Variants in NPFFR2 observed in about 807,000 individuals in gnomAD.
NPFFR2 encodes neuropeptide FF receptor 2.
In NPFFR2, 15 loss-of-function variants were observed where a neutral mutation model predicts 13.1. The observed-to-expected ratio is 1.15, with a 90% CI of 0.77 to 1.76. The LOEUF is 1.76. Ranked by LOEUF, NPFFR2 falls within the 40% of genes most tolerant of loss-of-function variation. The pLI, the probability that NPFFR2 is intolerant of heterozygous loss-of-function variation, is 0.00. For synonymous variants in NPFFR2, 190 were observed against 175.7 expected (o/e 1.08, Z -0.65); for missense variants, 572 against 503.5 (o/e 1.14, Z -1.30).
At chr4:72,048,648 T>A (rs1719450095) in intron 1 of NPFFR2, among the ~76,000 whole-genome samples, 1 of 152,108 alleles carries the variant, frequency 6.6e-6, no homozygotes, top group Non-Finnish European at 1.5e-5. Flanking sequence ...AAAATTATAT[T>A]TTAAATGAAG....
chr4:72,120,314 G>C (rs574357658), intron 1 of NPFFR2, among the ~76,000 whole-genome samples: 5 of 150,268 alleles, frequency 3.3e-5, no homozygotes, highest in African/African-American at 4.8e-5. Flanking sequence ...GGGGAAGAGC[G>C]GCTGTGGGTG....
chr4:72,137,261 A>G (rs553876843), intron 2 of NPFFR2, among the ~76,000 whole-genome samples: 8 of 152,322 alleles, frequency 5.3e-5, no homozygotes, highest in African/African-American at 1.9e-4. Context: ...AATAAATTTC[A>G]AAACTCTGAG....
intron 1 of NPFFR2, among the ~76,000 whole-genome samples, chr4:72,102,052 T>G (rs1721265709): frequency 6.6e-6 from 1 of 152,100 alleles, no homozygotes; most frequent in African/African-American, 2.4e-5. Flanking sequence ...GTGATTTTTG[T>G]TTTTGAAAAC....
chr4:72,055,514 G>C (rs563109338), intron 1 of NPFFR2, among the ~76,000 whole-genome samples: 1 of 151,822 alleles, frequency 6.6e-6, no homozygotes, highest in African/African-American at 2.4e-5. Context: ...GAGACAAAAC[G>C]ATATCAAAAT....
rs185449715 is a variant in NPFFR2, at chr4:72,085,755, C to T, written c.-7-42830C>T. On this transcript the variant is annotated intron_variant, in intron 1 of 3. Transcript: ENST00000308744. ...CCTCTGAACCCTCCTACACTGACTA[C>T]ATTTCCATCCCACTCTTCAGCACAT... is the stretch of plus-strand genomic sequence containing the variant. Among the ~76,000 whole-genome samples the T allele has an allele frequency of 1.6e-4, 25 of 152,260 alleles. No individual in the cohort carries two copies. The East Asian group carries it at 4.2e-3, about 26-fold the overall frequency.
chr4:72,130,046 A>C (rs1722185930), intron 2 of NPFFR2, among the ~76,000 whole-genome samples: 1 of 145,602 alleles, frequency 6.9e-6, no homozygotes, highest in Non-Finnish European at 1.5e-5. Context: ...TGTTTCAGAG[A>C]GCACGGGGTT....
chr4:72,075,288 C>T (rs1720393052), intron 1 of NPFFR2, among the ~76,000 whole-genome samples: 1 of 152,138 alleles, frequency 6.6e-6, no homozygotes, highest in African/African-American at 2.4e-5. Context: ...AACTGGCTCT[C>T]CTTGCTGTTC....
At chr4:72,035,575 T>C (rs1719021875) in intron 1 of NPFFR2, among the ~76,000 whole-genome samples, 1 of 152,210 alleles carries the variant, frequency 6.6e-6, no homozygotes, top group South Asian at 2.1e-4. Context: ...ACAAGACATG[T>C]CCTGTTCTGG....
intron 2 of NPFFR2, among the ~76,000 whole-genome samples, chr4:72,130,286 A>G (rs1722196230): frequency 6.6e-6 from 1 of 151,710 alleles, no homozygotes; most frequent in Non-Finnish European, 1.5e-5. Flanking sequence ...AGGTCCAAAG[A>G]ACTGACACAT....
intron 1 of NPFFR2, among the ~76,000 whole-genome samples, chr4:72,119,075 T>A (rs2109825875): frequency 1.3e-5 from 2 of 152,110 alleles, no homozygotes; most frequent in South Asian, 4.1e-4. Flanking sequence ...GTAGAAAAAA[T>A]ATATGCTGGT....
At chr4:72,119,629 T>C (rs1578467626) in intron 1 of NPFFR2, among the ~76,000 whole-genome samples, 1 of 151,764 alleles carries the variant, frequency 6.6e-6, no homozygotes, top group South Asian at 2.1e-4. Context: ...CCACGGAGGG[T>C]GAGCTGAAGC....
chr4:72,048,051 T>C (rs1719426563), intron 1 of NPFFR2, among the ~76,000 whole-genome samples: 1 of 152,158 alleles, frequency 6.6e-6, no homozygotes, highest in African/African-American at 2.4e-5. Flanking sequence ...ATATTATGTG[T>C]GTATGTATTA....
At chr4:72,050,675 C>T (rs1001301898) in intron 1 of NPFFR2, among the ~76,000 whole-genome samples, 1 of 151,876 alleles carries the variant, frequency 6.6e-6, no homozygotes, top group East Asian at 1.9e-4. Flanking sequence ...AGGTTAGTTA[C>T]ACATGTATAC....
At chr4:72,121,814 C>T (rs570165097) in intron 1 of NPFFR2, among the ~76,000 whole-genome samples, 30 of 152,222 alleles carry the variant, frequency 2.0e-4, no homozygotes, top group African/African-American at 6.5e-4. Flanking sequence ...ATTGTAAAGA[C>T]CATCAACGCT....
chr4:72,065,626 A>G (rs1437553102), intron 1 of NPFFR2, among the ~76,000 whole-genome samples: 1 of 152,212 alleles, frequency 6.6e-6, no homozygotes, highest in Non-Finnish European at 1.5e-5. Context: ...TCTTTCAGCC[A>G]AAGTGGTTTA....
rs148058374 is a variant in NPFFR2, at chr4:72,147,649, C to T, written c.1100C>T (p.Ala367Val). The T allele has an allele frequency of 1.0e-4, 161 of 1,614,108 alleles. 1 individual carries two copies. The African/African-American group carries it at 2.0e-3, about 20-fold the overall frequency. Reference sequence around the variant, plus strand: ...CCTATGGAAGCTTATGCCCTAAAAGCTAAAAGCCATGTGCTCATAAACACA... The same window carrying T: ...CCTATGGAAGCTTATGCCCTAAAAGTTAAAAGCCATGTGCTCATAAACACA... ...AKPMEAYALKAKSHVLINTSN... is the reference protein window; with the variant it reads ...AKPMEAYALKVKSHVLINTSN... The change falls in exon 4 of 4, where the codon GCT becomes GTT. Residue 367 changes from alanine (A) to valine (V), a missense_variant. Coordinates refer to ENST00000308744, the MANE Select transcript of NPFFR2 (RefSeq NM_004885.3).
intron 1 of NPFFR2, among the ~76,000 whole-genome samples, chr4:72,102,189 A>T (rs929682237): frequency 8.5e-5 from 13 of 152,236 alleles, no homozygotes; most frequent in African/African-American, 1.9e-4. Flanking sequence ...ATCAAGAATT[A>T]AAAAAGACAA....
intron 1 of NPFFR2, among the ~76,000 whole-genome samples, chr4:72,072,296 C>T (rs1024875162): frequency 3.3e-5 from 5 of 151,632 alleles, no homozygotes; most frequent in East Asian, 1.9e-4. Flanking sequence ...AAGATGCTGA[C>T]AGAACCAAAG....
At chr4:72,096,649 T>A (rs539459708) in intron 1 of NPFFR2, among the ~76,000 whole-genome samples, 1 of 152,106 alleles carries the variant, frequency 6.6e-6, no homozygotes, top group Non-Finnish European at 1.5e-5. Context: ...AAATGTATGA[T>A]TTTAATGAAA....
Sources: allele counts gnomAD v4.1 joint callset (sites outside exome capture counted in the v4.1 genomes callset), GRCh38; gene constraint gnomAD v4.1.1; transcripts MANE v1.5; gene names NCBI Gene and HGNC (gene_info 2026-07-23, HGNC 2026-07-21).